Variants in PIEZO2 observed in about 807,000 individuals in gnomAD.
PIEZO2 encodes piezo-type mechanosensitive ion channel component 2.
Under a neutral mutation model 337.3 loss-of-function variants are expected in PIEZO2, and 172 were observed. The ratio of observed to expected loss-of-function variants is 0.51; its 90% CI spans 0.45 to 0.58. The LOEUF (loss-of-function observed/expected upper bound fraction) is 0.58. PIEZO2 is among the 20% of genes least tolerant of loss of function. The pLI is 0.00. For missense variants in PIEZO2, 3,028 were observed against 3,391.3 expected, an observed-to-expected ratio of 0.89 and a Z score of 2.66; for synonymous variants, 1,251 against 1,228.5, an observed-to-expected ratio of 1.02 and a Z score of -0.38.
chr18:10,729,040 A>C (rs1002143146), intron 36 of PIEZO2, among the ~76,000 whole-genome samples: 1 of 152,100 alleles, frequency 6.6e-6, no homozygotes, highest in African/African-American at 2.4e-5. Flanking sequence ...GAAAGTGAAC[A>C]CAACATACTG....
chr18:10,898,420 CAA>C (rs564582313), intron 4 of PIEZO2, among the ~76,000 whole-genome samples: 1 of 134,752 alleles, frequency 7.4e-6, no homozygotes, highest in Non-Finnish European at 1.6e-5. Context: ...GACTCCGTCT[CAA>C]AAAAAAAAAG....
intron 1 of PIEZO2, among the ~76,000 whole-genome samples, chr18:11,107,496 T>C (rs1469660217): frequency 6.6e-6 from 1 of 152,164 alleles, no homozygotes; most frequent in East Asian, 1.9e-4. Flanking sequence ...AAAAACTCAG[T>C]TGAATCTGTT....
chr18:10,752,820 G>A lies in PIEZO2; in HGVS notation c.3983C>T (p.Thr1328Ile), dbSNP rs890298449. 6.5e-7 allele frequency: 1 copy of A among 1,537,056 alleles called. No individual in the cohort carries two copies. Among genetic ancestry groups the A allele is most frequent in the Non-Finnish European group, 8.7e-7 (1 of 1,146,912 alleles). ...IFSYLFWFVL[T>I]IIFITGTTRI... is the part of the protein sequence containing the mutation. Reference sequence around the variant, plus strand: ...GGTGGTCCCAGTGATGAAGATGATGGTGAGCACAAACCAGAAGAGGTAGCT... The same window carrying A: ...GGTGGTCCCAGTGATGAAGATGATGATGAGCACAAACCAGAAGAGGTAGCT... The change falls in exon 28 of 56, where the codon ACC becomes ATC. Residue 1328 changes from threonine (T) to isoleucine (I), a missense_variant. Coordinates refer to ENST00000674853, the MANE Select transcript of PIEZO2 (RefSeq NM_001378183.1).
chr18:10,768,844 A>G (rs1230214446), intron 21 of PIEZO2, among the ~76,000 whole-genome samples: 1 of 152,214 alleles, frequency 6.6e-6, no homozygotes, highest in Non-Finnish European at 1.5e-5. Flanking sequence ...AAGAAATTGC[A>G]TCCTTTAACC....
At chr18:10,944,173 C>T (rs1406035070) in intron 3 of PIEZO2, among the ~76,000 whole-genome samples, 1 of 151,724 alleles carries the variant, frequency 6.6e-6, no homozygotes, top group Non-Finnish European at 1.5e-5. Context: ...ATATTTAAAA[C>T]AAATACTCGG....
intron 2 of PIEZO2, among the ~76,000 whole-genome samples, chr18:11,012,608 T>TA (rs932018928): frequency 2.0e-5 from 3 of 152,132 alleles, no homozygotes; most frequent in African/African-American, 7.2e-5. Flanking sequence ...AAACCCTCAT[T>TA]ATGAGAATAT....
chr18:10,729,425 A>G (rs2036673177), intron 36 of PIEZO2, among the ~76,000 whole-genome samples: 1 of 152,106 alleles, frequency 6.6e-6, no homozygotes. Flanking sequence ...CAGGAGTTCA[A>G]GACCAACCTG....
chr18:10,998,014 G>A (rs1445855384), intron 2 of PIEZO2, among the ~76,000 whole-genome samples: 1 of 152,096 alleles, frequency 6.6e-6, no homozygotes, highest in Non-Finnish European at 1.5e-5. Context: ...TGAAAACAGA[G>A]AAAAATGTCA....
At chr18:10,865,790 C>T (rs1246965752) in intron 5 of PIEZO2, among the ~76,000 whole-genome samples, 1 of 152,078 alleles carries the variant, frequency 6.6e-6, no homozygotes, top group Non-Finnish European at 1.5e-5. Flanking sequence ...GATGCAGGTT[C>T]TCTGGAGTTG....
Position 10,773,343 on chromosome 18 carries a change from G to A in PIEZO2, c.2785+69C>T. ...TCAAATATATATTCTTTTGGAGCAA[G>A]TCAATGTTTCCTTCACTCAGTCTGA... On this transcript the variant is annotated intron_variant, in intron 20 of 55. Transcript: ENST00000674853. This position sits in a 1 kb window ranked among gnomAD's most constrained non-coding sequence, Gnocchi z 5.3. The A allele has an allele frequency of 7.0e-7, 1 of 1,435,474 alleles. No homozygotes were observed. 88.9% of individuals were successfully genotyped at this position (1,435,474 alleles called of 1,614,324 possible).
chr18:11,063,358 C>T (rs1461898884), intron 2 of PIEZO2, among the ~76,000 whole-genome samples: 1 of 151,794 alleles, frequency 6.6e-6, no homozygotes, highest in African/African-American at 2.4e-5. Context: ...GTGCAGCACA[C>T]CAACATGGCA....
rs528407258 is a variant in PIEZO2 at position 10,947,650 on chromosome 18, G to A, written c.286+31885C>T. Among the ~76,000 whole-genome samples, 4 of 151,480 alleles carry A rather than the reference G, an allele frequency of 2.6e-5. No individual in the cohort carries two copies. The South Asian group carries it at 6.2e-4, about 24-fold the overall frequency. On this transcript the variant is annotated intron_variant, in intron 3 of 55. Coordinates refer to ENST00000674853, the MANE Select transcript of PIEZO2 (RefSeq NM_001378183.1). Reference sequence around the variant, plus strand: ...AATGATGCCGAATGAAACTGTGGGGGTACAAAAGACAGAAAGGGCACTAGA... The same window carrying A: ...AATGATGCCGAATGAAACTGTGGGGATACAAAAGACAGAAAGGGCACTAGA...
chr18:11,119,082 T>C (rs1236183278), intron 1 of PIEZO2, among the ~76,000 whole-genome samples: 6 of 151,586 alleles, frequency 4.0e-5, no homozygotes, highest in Admixed American at 1.3e-4. Context: ...TTTGTAGTAA[T>C]ACTAAAAAGA....
rs890046246 is a variant in PIEZO2, at chr18:11,129,055, T to C, written c.64+19470A>G. ...AAAAGATGGCCCACTATGAGCGAGC[T>C]GGAAATGCCTGATCTCCCTCAGTTT... is the stretch of plus-strand genomic sequence containing the variant. On this transcript the variant is annotated intron_variant, in intron 1 of 55. Transcript: ENST00000674853. The surrounding 1 kb of genome is among the most constrained non-coding windows in gnomAD (Gnocchi z 4.6). 1.3e-5 allele frequency among the ~76,000 whole-genome samples: 2 copies of C among 152,166 alleles called. No homozygotes were observed. The highest frequency in any genetic ancestry group is 2.1e-4 in the South Asian group (1 of 4,830).
At chr18:10,911,724 A>G (rs2030494439) in intron 3 of PIEZO2, among the ~76,000 whole-genome samples, 1 of 151,442 alleles carries the variant, frequency 6.6e-6, no homozygotes, top group African/African-American at 2.4e-5. Flanking sequence ...ATTGCACTCT[A>G]GCCTGGGCGA....
rs147419977 is a variant in PIEZO2, at chr18:10,927,795, T to C, written c.287-16567A>G. On this transcript the variant is annotated intron_variant, in intron 3 of 55. Coordinates refer to ENST00000674853, the MANE Select transcript of PIEZO2 (RefSeq NM_001378183.1). ...TCCAGCTCAAAGCAAGCCAGACTAG[T>C]GCTGTCTACAACTCGTAAGCTTTTC... 8.1e-3 allele frequency among the ~76,000 whole-genome samples: 1,238 copies of C among 152,274 alleles called. 25 individuals are homozygous for C. The highest frequency in any genetic ancestry group is 0.028 in the African/African-American group (1,149 of 41,552).
rs2039742459 is a variant in PIEZO2 at position 11,111,712 on chromosome 18, A to G, written c.64+36813T>C. Among the ~76,000 whole-genome samples the G allele has an allele frequency of 6.6e-6, 1 of 152,176 alleles. No individual in the cohort carries two copies. The highest frequency in any genetic ancestry group is 2.1e-4 in the South Asian group (1 of 4,826). ...AGTCGACAAGGCTTCTTGAACTGAC[A>G]CCGTCACACCCTCGGGGAATCCGTA... On this transcript the variant is annotated intron_variant, in intron 1 of 55. Transcript: ENST00000674853. This position sits in a 1 kb window ranked among gnomAD's most constrained non-coding sequence, Gnocchi z 6.2.
chr18:10,681,795 C>T (rs1298582689), intron 50 of PIEZO2, 42 bp from the exon 51 acceptor site: 1 of 1,471,192 alleles, frequency 6.8e-7, no homozygotes, highest in Admixed American at 1.7e-5. Context: ...TTCCCCAGCT[C>T]TTCTCTGCAT....
chr18:11,133,388 G>C (rs2040393098), intron 1 of PIEZO2, among the ~76,000 whole-genome samples: 1 of 152,136 alleles, frequency 6.6e-6, no homozygotes, highest in Non-Finnish European at 1.5e-5. Flanking sequence ...GGTTCAAGTT[G>C]ACAAGGGGTA....
Sources: allele counts gnomAD v4.1 joint callset (sites outside exome capture counted in the v4.1 genomes callset), GRCh38; gene constraint gnomAD v4.1.1; non-coding constraint Gnocchi (gnomAD v3.1); transcripts MANE v1.5; gene names NCBI Gene and HGNC (gene_info 2026-07-23, HGNC 2026-07-21).